Variants in ENO4 observed in about 807,000 individuals in gnomAD.
ENO4 encodes the protein enolase 4.
ENO4 carries 53 observed loss-of-function variants against 63.2 expected under a neutral mutation model. The ratio of observed to expected loss-of-function variants is 0.84; its 90% CI spans 0.67 to 1.05. The LOEUF is 1.05. ENO4 is among the 50% of genes least tolerant of loss of function. The pLI is 0.00. For missense variants in ENO4, 719 were observed against 772.0 expected, an observed-to-expected ratio of 0.93 and a Z score of 0.81; for synonymous variants, 266 against 283.8, an observed-to-expected ratio of 0.94 and a Z score of 0.63.
At chr10:116,876,354 G>A (rs1419930956) in intron 11 of ENO4, 94 bp downstream of exon 11, 1 of 1,024,654 alleles carries the variant, frequency 9.8e-7, no homozygotes, top group Non-Finnish European at 1.4e-6. Context: ...AAAAGCATGG[G>A]AGAAATCTTG....
chr10:116,906,235 GA>G (rs1271620962), intron 10 of ENO4, among the ~76,000 whole-genome samples: 6 of 152,228 alleles, frequency 3.9e-5, no homozygotes, highest in Admixed American at 3.9e-4. Context: ...GAGGCACAAA[GA>G]GGTTCAGTAA....
chr10:116,868,672 CA>C lies in ENO4; in HGVS notation c.1020del (p.His342ThrfsTer21), dbSNP rs1156693659. The C allele has an allele frequency of 3.9e-6, 6 of 1,550,016 alleles. No individual in the cohort carries two copies. Among genetic ancestry groups the C allele is most frequent in the Non-Finnish European group, 5.2e-6 (6 of 1,146,752 alleles). On this transcript the variant is annotated frameshift_variant, in exon 8 of 14. Coordinates refer to ENST00000341276, the MANE Select transcript of ENO4 (RefSeq NM_001242699.2). LOFTEE classifies it high-confidence loss of function. ...IEMPSPPKAE[T>X]KKGHDGSKRG... ...CAGCCCTCTCCTCCAAAAGCAGAGA[CA>C]AAAAAAGGGCACGATGGAAGCAAAA... is the stretch of plus-strand genomic sequence containing the variant.
chr10:116,907,706 G>A (rs953366279), intron 10 of ENO4, among the ~76,000 whole-genome samples: 3 of 152,096 alleles, frequency 2.0e-5, no homozygotes, highest in Non-Finnish European at 2.9e-5. Flanking sequence ...CACATACTTG[G>A]GAGGCAGCGG....
downstream of ENO4, chr10:116,885,464 A>T (rs953015402): frequency 6.6e-6 from 1 of 152,644 alleles, no homozygotes; most frequent in South Asian, 2.1e-4. Context: ...AAAAAACAAC[A>T]ACAAACCTGT....
intron 10 of ENO4, 107 bp from the exon 11 acceptor site, chr10:116,875,958 T>C (rs1475662752): frequency 7.4e-6 from 6 of 806,340 alleles, no homozygotes; most frequent in Middle Eastern, 2.5e-4. Flanking sequence ...AATTGTTTTG[T>C]GCATCTCAGG....
intron 8 of ENO4, among the ~76,000 whole-genome samples, chr10:116,870,747 G>C (rs1049329794): frequency 3.9e-5 from 6 of 152,190 alleles, no homozygotes; most frequent in African/African-American, 1.4e-4. Flanking sequence ...TGGAGGAAAA[G>C]GACTGGCAGA....
chr10:116,861,584 C>A (rs1168647263), intron 6 of ENO4, among the ~76,000 whole-genome samples: 1 of 152,196 alleles, frequency 6.6e-6, no homozygotes, highest in African/African-American at 2.4e-5. Flanking sequence ...CAGGACTTGC[C>A]TGGCACCTAT....
chr10:116,889,047 G>C lies in ENO4; in HGVS notation c.1194+9061G>C, dbSNP rs1221017209. Reference sequence around the variant, plus strand: ...CTGCTTTCAGCATGCAAAGGAGGTAGTATTTCTCTCATTCTAGGTGAGCAA... The same window carrying C: ...CTGCTTTCAGCATGCAAAGGAGGTACTATTTCTCTCATTCTAGGTGAGCAA... On this transcript the variant is annotated intron_variant, in intron 10 of 10. Coordinates refer to the ENO4 transcript ENST00000369207. 2.0e-5 allele frequency among the ~76,000 whole-genome samples: 3 copies of C among 152,154 alleles called. No homozygotes were observed. In the East Asian group the frequency reaches 5.8e-4, roughly 29 times the overall value.
At chr10:116,880,064 C>G in intron 13 of ENO4, 78 bp downstream of exon 13, 3 of 1,148,408 alleles carry the variant, frequency 2.6e-6, no homozygotes, top group Non-Finnish European at 3.8e-6. Flanking sequence ...GAATAGAAGT[C>G]CCTCTGCAGG....
intron 6 of ENO4, 30 bp downstream of exon 6, chr10:116,861,220 CTAAAA>C: frequency 1.9e-6 from 1 of 515,182 alleles, no homozygotes. Flanking sequence ...ATTACCTTTT[CTAAAA>C]AAAAAAAAAA....
chr10:116,850,644 G>T (rs772089485), intron 1 of ENO4, among the ~76,000 whole-genome samples: 5 of 151,928 alleles, frequency 3.3e-5, no homozygotes, highest in African/African-American at 1.2e-4. Flanking sequence ...AAACCACGTC[G>T]TATTGAGGCA....
chr10:116,909,956 T>G (rs2133343388), intron 10 of ENO4, among the ~76,000 whole-genome samples: 1 of 152,282 alleles, frequency 6.6e-6, no homozygotes, highest in Non-Finnish European at 1.5e-5. Context: ...TCCATCTTAA[T>G]TGTTTCTTAC....
intron 1 of ENO4, among the ~76,000 whole-genome samples, chr10:116,851,872 C>G (rs1297842825): frequency 6.6e-6 from 1 of 152,088 alleles, no homozygotes; most frequent in African/African-American, 2.4e-5. Context: ...CCACATCTCC[C>G]CCTTGACTGG....
At chr10:116,868,531 G>A in intron 7 of ENO4, 119 bp from the exon 8 acceptor site, 1 of 797,858 alleles carries the variant, frequency 1.3e-6, no homozygotes, top group Non-Finnish European at 2.2e-6. Context: ...GTGCGTGTAT[G>A]TGTGCACACG....
intron 7 of ENO4, among the ~76,000 whole-genome samples, chr10:116,866,895 A>G (rs1382043226): frequency 6.6e-6 from 1 of 152,120 alleles, no homozygotes; most frequent in Admixed American, 6.6e-5. Flanking sequence ...GTAATTGAAT[A>G]TAGAAAGATG....
intron 10 of ENO4, among the ~76,000 whole-genome samples, chr10:116,889,693 T>A (rs892093050): frequency 2.0e-5 from 3 of 152,194 alleles, no homozygotes; most frequent in Non-Finnish European, 4.4e-5. Context: ...CATGACAGCA[T>A]GCTGTTTCTC....
Position 116,868,696 on chromosome 10 carries a change from A to G in ENO4, c.1037A>G (p.Lys346Arg), listed in dbSNP as rs1846609611. Residue 346 changes from lysine (K) to arginine (R), a missense_variant, in exon 8 of 14, where the codon AAA becomes AGA. Lys to Arg is a conservative substitution (Grantham distance 26). Around this residue, in one of 3 missense-constraint regions of ENO4, gnomAD observed 544 missense variants for 583.6 expected, o/e 0.93. Transcript: ENST00000341276. ...AETKKGHDGS[K>R]RGQQQITGKM... is the part of the protein sequence containing the mutation. ...ACAAAAAAAGGGCACGATGGAAGCA[A>G]AAGAGGTCAAGTAAGTCTATATATT... is the stretch of plus-strand genomic sequence containing the variant. 6.5e-7 allele frequency: 1 copy of G among 1,550,230 alleles called. No homozygotes were observed. The highest frequency in any genetic ancestry group is 2.0e-5 in the Admixed American group (1 of 50,990).
chr10:116,901,893 A>T, intron 10 of ENO4: 2 of 1,608,326 alleles, frequency 1.2e-6, no homozygotes, highest in Non-Finnish European at 1.7e-6. Flanking sequence ...TTTTTGTTAC[A>T]CTGGATACAG....
intron 10 of ENO4, among the ~76,000 whole-genome samples, chr10:116,908,265 T>C (rs1304554030): frequency 1.3e-5 from 2 of 152,190 alleles, no homozygotes; most frequent in East Asian, 3.8e-4. Flanking sequence ...TCCTTAGAAG[T>C]ATCTCTTTTT....
Sources: allele counts gnomAD v4.1 joint callset (sites outside exome capture counted in the v4.1 genomes callset), GRCh38; gene constraint gnomAD v4.1.1; regional missense constraint gnomAD v4.1.1; transcripts MANE v1.5; gene names NCBI Gene and HGNC (gene_info 2026-07-23, HGNC 2026-07-21).